SGCZ: variants seen among roughly 807,000 people sequenced by gnomAD.
SGCZ encodes the protein sarcoglycan zeta.
Under a neutral mutation model 41.3 loss-of-function variants are expected in SGCZ, and 40 were observed. That is an observed-to-expected ratio of 0.97 (90% CI 0.75 to 1.26). The LOEUF (loss-of-function observed/expected upper bound fraction) is 1.26, where lower values mean the gene tolerates loss of function less well. Among genes scored for constraint, SGCZ ranks in the 50% most tolerant of loss-of-function variants. The pLI, the probability that SGCZ is intolerant of heterozygous loss-of-function variation, is 0.00. For synonymous variants in SGCZ, 206 were observed against 137.5 expected (o/e 1.50, Z -3.49); for missense variants, 552 against 369.8 (o/e 1.49, Z -4.04).
chr8:14,516,962 T>A (rs1381669767), intron 2 of SGCZ, among the ~76,000 whole-genome samples: 2 of 151,900 alleles, frequency 1.3e-5, no homozygotes, highest in East Asian at 3.9e-4. Flanking sequence ...CTATTAAAAT[T>A]TAAGGAACAA....
At chr8:14,761,538 TA>T (rs200965403) in intron 1 of SGCZ, among the ~76,000 whole-genome samples, 4,098 of 142,290 alleles carry the variant, frequency 0.029, 93 homozygotes, top group Non-Finnish European at 0.043. Context: ...TTTATTTATT[TA>T]TTTTTTTTTT....
At chr8:14,549,604 T>C (rs761802833) in intron 2 of SGCZ, among the ~76,000 whole-genome samples, 6 of 152,084 alleles carry the variant, frequency 3.9e-5, no homozygotes, top group Admixed American at 3.9e-4. Context: ...CTTCTGCTCC[T>C]TAGGGAATTT....
intron 2 of SGCZ, among the ~76,000 whole-genome samples, chr8:14,384,176 T>C (rs1467562999): frequency 6.6e-6 from 1 of 152,090 alleles, no homozygotes; most frequent in Admixed American, 6.5e-5. Context: ...CCATGTGTTC[T>C]CATTGTTCAA....
chr8:14,452,140 A>G (rs1198535972), intron 2 of SGCZ, among the ~76,000 whole-genome samples: 2 of 152,224 alleles, frequency 1.3e-5, no homozygotes, highest in African/African-American at 2.4e-5. Context: ...AATGTTATTC[A>G]ACACTAAAAA....
intron 1 of SGCZ, among the ~76,000 whole-genome samples, chr8:14,659,363 A>G (rs149188075): frequency 2.0e-5 from 3 of 152,296 alleles, no homozygotes; most frequent in East Asian, 1.9e-4. Flanking sequence ...AGCATGTACA[A>G]TTATTTTGTA....
chr8:15,058,394 T>C (rs1804793610), intron 1 of SGCZ, among the ~76,000 whole-genome samples: 1 of 152,168 alleles, frequency 6.6e-6, no homozygotes, highest in African/African-American at 2.4e-5. Context: ...TTTGATGGGA[T>C]GGGTGTCACC....
chr8:14,756,322 A>C (rs1466658157), intron 1 of SGCZ, among the ~76,000 whole-genome samples: 1 of 151,306 alleles, frequency 6.6e-6, no homozygotes, highest in Admixed American at 6.6e-5. Context: ...AGTAGCTGGG[A>C]TTATAGGCAT....
intron 1 of SGCZ, among the ~76,000 whole-genome samples, chr8:14,797,527 T>C (rs976676348): frequency 6.6e-6 from 1 of 152,168 alleles, no homozygotes; most frequent in Admixed American, 6.5e-5. Flanking sequence ...AGAGGATGGC[T>C]AGCATAAAGG....
chr8:14,545,232 T>C (rs1294168467), intron 2 of SGCZ, among the ~76,000 whole-genome samples: 1 of 152,128 alleles, frequency 6.6e-6, no homozygotes, highest in Non-Finnish European at 1.5e-5. Context: ...AAATACTTAT[T>C]AGGTCTGAGG....
intron 2 of SGCZ, among the ~76,000 whole-genome samples, chr8:14,526,447 A>T (rs1377123133): frequency 2.6e-5 from 4 of 152,140 alleles, no homozygotes; most frequent in African/African-American, 9.6e-5. Context: ...TACATGGGAA[A>T]TTATAAACAT....
At chr8:14,820,561 G>T (rs545522803) in intron 1 of SGCZ, among the ~76,000 whole-genome samples, 1 of 152,022 alleles carries the variant, frequency 6.6e-6, no homozygotes, top group African/African-American at 2.4e-5. Context: ...AACTGCATTT[G>T]GAACATTTTC....
intron 5 of SGCZ, among the ~76,000 whole-genome samples, chr8:14,139,938 A>G (rs759102903): frequency 6.6e-6 from 1 of 152,212 alleles, no homozygotes; most frequent in Non-Finnish European, 1.5e-5. Context: ...AATCCTCAAT[A>G]AAATACTGGC....
At chr8:14,562,527 G>C (rs1804237439) in intron 1 of SGCZ, among the ~76,000 whole-genome samples, 1 of 152,032 alleles carries the variant, frequency 6.6e-6, no homozygotes, top group Middle Eastern at 3.4e-3. Context: ...ATATAATCGG[G>C]GACTACTTTT....
intron 1 of SGCZ, among the ~76,000 whole-genome samples, chr8:14,896,437 T>TTTTATTTATTTATTTA (rs376530633): frequency 0.011 from 1,639 of 151,408 alleles, 15 homozygotes; most frequent in Middle Eastern, 0.021. Context: ...GATGGAAGAC[T>TTTTATTTATTTATTTA]TTTATTTATT....
chr8:14,487,219 C>T (rs927161459), intron 2 of SGCZ, among the ~76,000 whole-genome samples: 2 of 152,132 alleles, frequency 1.3e-5, no homozygotes, highest in African/African-American at 4.8e-5. Flanking sequence ...TATATTCCAC[C>T]TCATCATTTC....
chr8:14,550,898 T>C (rs573275839), intron 2 of SGCZ, among the ~76,000 whole-genome samples: 38 of 152,000 alleles, frequency 2.5e-4, no homozygotes, highest in African/African-American at 9.2e-4. Context: ...TCCCTTTCAA[T>C]CCAAAAACGA....
chr8:14,146,878 T>A (rs11783364), intron 5 of SGCZ, among the ~76,000 whole-genome samples: 131,980 of 136,212 alleles, frequency 0.97, 64,224 homozygotes, highest in Non-Finnish European at 1. Flanking sequence ...TCTCAAAAAA[T>A]AAAAATAAAA....
intron 2 of SGCZ, among the ~76,000 whole-genome samples, chr8:14,391,873 G>C (rs73219732): frequency 9.6e-4 from 146 of 152,192 alleles, no homozygotes; most frequent in Non-Finnish European, 1.8e-3. Flanking sequence ...TTGTTTTTAA[G>C]TTGTTTAAAT....
At chr8:15,102,767 T>C (rs1002962058) in intron 1 of SGCZ, among the ~76,000 whole-genome samples, 1 of 152,180 alleles carries the variant, frequency 6.6e-6, no homozygotes, top group Non-Finnish European at 1.5e-5. Context: ...ATTAAAACTT[T>C]CATTAAAGTG....
Sources: gnomAD v4.1 joint callset for allele counts (sites outside exome capture counted in the v4.1 genomes callset) on GRCh38, gnomAD v4.1.1 for gene constraint, MANE v1.5 for transcripts, NCBI Gene and HGNC (gene_info 2026-07-23, HGNC 2026-07-21) for gene names.